The following USP26 variants were observed in gnomAD, a reference collection of about 807,000 sequenced individuals.
The protein encoded by USP26 is ubiquitin specific peptidase 26.
For synonymous variants in USP26, 236 were observed against 240.6 expected (o/e 0.98, Z 0.18); for missense variants, 649 against 642.3 (o/e 1.01, Z -0.11).
chrX:133,046,812 TGAGA>T (rs1482774841), intron 5 of USP26, among the ~76,000 whole-genome samples: 1 of 112,060 alleles, frequency 8.9e-6, no homozygotes, highest in Admixed American at 9.5e-5. Context: ...AAAGCTCTGA[TGAGA>T]GAATGAGCAG....
chrX:133,096,918 G>A (rs924181934), intron 1 of USP26, 112 bp downstream of exon 1: 3 of 111,792 alleles, frequency 2.7e-5, no homozygotes, highest in Non-Finnish European at 5.7e-5. Flanking sequence ...ACAGAAAAAC[G>A]AAAAGAAAAG....
intron 4 of USP26, among the ~76,000 whole-genome samples, chrX:133,085,075 A>T (rs1260892164): frequency 9.0e-6 from 1 of 111,484 alleles, no homozygotes; most frequent in East Asian, 2.8e-4. Flanking sequence ...ATTATAGGTG[A>T]CTACCACCAC....
rs1196412915 is a variant in USP26 at position 133,023,304 on chromosome X, C to T, written c.*2175G>A. ...CTGTCATGGATACCCCTACCATCTT[C>T]TTCACATTTCATTTTGCCCTGCATT... On this transcript the variant is annotated 3_prime_UTR_variant, in exon 6 of 6. Coordinates refer to ENST00000511190, the MANE Select transcript of USP26 (RefSeq NM_031907.3). 1.8e-5 allele frequency among the ~76,000 whole-genome samples: 2 copies of T among 111,960 alleles called. No individual in the cohort carries two copies. The highest frequency in any genetic ancestry group is 3.8e-5 in the Non-Finnish European group (2 of 53,185).
In USP26 at chrX:133,023,556, A is replaced by G. The variant is rs2067333238; in HGVS notation, c.*1923T>C. Among the ~76,000 whole-genome samples, 1 of 111,836 alleles carries G rather than the reference A, an allele frequency of 8.9e-6. No individual in the cohort carries two copies. The highest frequency in any genetic ancestry group is 1.9e-5 in the Non-Finnish European group (1 of 53,224). On this transcript the variant is annotated 3_prime_UTR_variant, in exon 6 of 6. Coordinates refer to ENST00000511190, the MANE Select transcript of USP26 (RefSeq NM_031907.3). Reference sequence around the variant, plus strand: ...GTCACTCTCCTCTAAATGCAACTCCAGCCTTATCCTTCAGCTGCTGAAGTA... The same window carrying G: ...GTCACTCTCCTCTAAATGCAACTCCGGCCTTATCCTTCAGCTGCTGAAGTA...
rs369851804 is a variant in USP26, at chrX:133,026,136, A to C, written c.2085T>G (p.Asn695Lys). 181 of 1,207,961 alleles carry C rather than the reference A, an allele frequency of 1.5e-4. No individual in the cohort carries two copies. Among genetic ancestry groups the C allele is most frequent in the Non-Finnish European group, 1.7e-4 (148 of 894,835 alleles). ...SKVDFQTVPE[N>K]PKRKKYVKTS... ...TTTTCACATATTTCTTTCGTTTTGG[A>C]TTTTCGGGCACTGTTTGAAAGTCAA... The change falls in exon 6 of 6, where the codon AAT becomes AAG. Residue 695 changes from asparagine (N) to lysine (K), a missense_variant. Transcript: ENST00000511190.
In USP26 at chrX:133,089,125, A is replaced by AT. The variant is rs954074366; in HGVS notation, c.-142+987dup. On this transcript the variant is annotated intron_variant, in intron 4 of 5. Transcript: ENST00000511190. ...TAGTTTCTAAAAAAAAGAAATGAGG[A>AT]TTTTTTTTTTTTACCTTGGTTGGGT... 4.9e-4 allele frequency among the ~76,000 whole-genome samples: 51 copies of AT among 104,281 alleles called. 2 individuals carry two copies. The highest frequency in any genetic ancestry group is 1.7e-3 in the South Asian group (4 of 2,408). 90.6% of individuals were successfully genotyped at this position (104,281 alleles called of 115,157 possible).
chrX:133,028,510 C>A (rs1315211543), intron 5 of USP26, among the ~76,000 whole-genome samples: 1 of 111,878 alleles, frequency 8.9e-6, no homozygotes, highest in East Asian at 2.8e-4. Flanking sequence ...AGGAAACATT[C>A]TTTAAACTAT....
rs1346960635 is a variant in USP26 at position 133,094,247 on chromosome X, T to TA, written c.-393+2782dup. Among the ~76,000 whole-genome samples, 4 of 110,809 alleles carry TA rather than the reference T, an allele frequency of 3.6e-5. No individual in the cohort carries two copies. In the Admixed American group the frequency reaches 3.9e-4, roughly 11 times the overall value. ...TTTAAAACGGCTACCTTTTAAGTGTTACTTGTAGCACTGTGGCACACTGCG... is the reference window on the plus strand; with the variant it reads ...TTTAAAACGGCTACCTTTTAAGTGTTAACTTGTAGCACTGTGGCACACTGCG... On this transcript the variant is annotated intron_variant, in intron 1 of 5. Transcript: ENST00000511190.
rs1366428006 is a variant in USP26 at position 133,027,812 on chromosome X, C to T, written c.409G>A (p.Glu137Lys). Reference sequence around the variant, plus strand: ...TCAAAAGATTTGCTACTTGATTTCTCATCAACTTTGTGGAATGAAGTTTTG... The same window carrying T: ...TCAAAAGATTTGCTACTTGATTTCTTATCAACTTTGTGGAATGAAGTTTTG... ...INKTSFHKVD[E>K]KSSSKSFEIA... The change falls in exon 6 of 6, where the codon GAG (glutamate) becomes AAG (lysine). Residue 137 changes from glutamate (E) to lysine (K), a missense_variant. Physicochemically the swap from Glu to Lys is moderately conservative, Grantham distance 56 (BLOSUM62 1). Coordinates refer to ENST00000511190, the MANE Select transcript of USP26 (RefSeq NM_031907.3). 4 of 1,208,942 alleles carry T rather than the reference C, an allele frequency of 3.3e-6. No individual in the cohort carries two copies. In the South Asian group the frequency reaches 5.3e-5, roughly 16 times the overall value.
At chrX:133,076,350 T>G (rs2067548479) in intron 5 of USP26, among the ~76,000 whole-genome samples, 1 of 110,977 alleles carries the variant, frequency 9.0e-6, no homozygotes, top group South Asian at 3.9e-4. Flanking sequence ...TTGCATAATC[T>G]TATGCAATCT....
intron 5 of USP26, among the ~76,000 whole-genome samples, chrX:133,045,688 G>A (rs978581677): frequency 6.3e-5 from 7 of 110,929 alleles, no homozygotes; most frequent in Non-Finnish European, 9.4e-5. Context: ...CTGAGCCAGC[G>A]AGACCACAAA....
intron 5 of USP26, among the ~76,000 whole-genome samples, chrX:133,044,398 G>A (rs755235584): frequency 3.4e-4 from 39 of 113,167 alleles, no homozygotes; most frequent in African/African-American, 1.2e-3. Flanking sequence ...GGCGGGAACC[G>A]GGGCTGCACG....
intron 5 of USP26, among the ~76,000 whole-genome samples, chrX:133,042,346 A>G (rs917904742): frequency 1.8e-5 from 2 of 111,537 alleles, no homozygotes; most frequent in African/African-American, 6.5e-5. Context: ...GTGTAGACAT[A>G]TGAGGGAATC....
In USP26 at chrX:133,026,262, C is replaced by A; in HGVS notation, c.1959G>T (p.Pro653=). Residue 653 remains proline, a synonymous_variant, in exon 6 of 6, where the codon CCG becomes CCT. Transcript: ENST00000511190. The part of the protein sequence containing the change: ...SGDRAFIEKE[P]LAHLMTYLED... ...CCAGATACGTCATTAAGTGAGCTAA[C>A]GGTTCTTTTTCAATGAATGCTCGAT... 8.3e-7 allele frequency: 1 copy of A among 1,209,197 alleles called. No individual in the cohort carries two copies.
chrX:133,064,008 A>G (rs1342981576), intron 5 of USP26, among the ~76,000 whole-genome samples: 1 of 112,416 alleles, frequency 8.9e-6, no homozygotes, highest in Non-Finnish European at 1.9e-5. Context: ...AGGCACACAT[A>G]GGTTCAAAAT....
intron 1 of USP26, among the ~76,000 whole-genome samples, chrX:133,092,477 T>C (rs1393657668): frequency 8.9e-6 from 1 of 112,262 alleles, no homozygotes; most frequent in East Asian, 2.8e-4. Flanking sequence ...GAAGCTAGTA[T>C]CATTTAGGAT....
intron 5 of USP26, among the ~76,000 whole-genome samples, chrX:133,083,091 G>T (rs2148536886): frequency 8.9e-6 from 1 of 111,905 alleles, no homozygotes; most frequent in East Asian, 2.8e-4. Context: ...AGATAAAATT[G>T]ATTCCTAGAC....
chrX:133,025,921 C>A lies in USP26; in HGVS notation c.2300G>T (p.Gly767Val), dbSNP rs778278686. The A allele has an allele frequency of 4.1e-6, 5 of 1,208,846 alleles. No individual in the cohort carries two copies. In the East Asian group the frequency reaches 1.2e-4, roughly 29 times the overall value. The change falls in exon 6 of 6, where the codon GGG becomes GTG. Residue 767 changes from glycine (G) to valine (V), a missense_variant. Gly to Val is a moderately radical substitution (Grantham distance 109, BLOSUM62 -3). Coordinates refer to ENST00000511190, the MANE Select transcript of USP26 (RefSeq NM_031907.3). ...AGGTCTTAGGAGGTTCTTTGTGTGC[C>A]CCTGGGTGCCTGGCTTTGGAAAGCT... ...PQSFPKPGTQ[G>V]HTKNLLRPTK... is the part of the protein sequence containing the mutation.
chrX:133,068,504 T>A (rs1164623092), intron 5 of USP26, among the ~76,000 whole-genome samples: 1 of 112,989 alleles, frequency 8.9e-6, no homozygotes, highest in Non-Finnish European at 1.9e-5. Flanking sequence ...TAGCTCTAAA[T>A]TCTAAGACGA....
Sources: allele counts gnomAD v4.1 joint callset (sites outside exome capture counted in the v4.1 genomes callset), GRCh38; gene constraint gnomAD v4.1.1; transcripts MANE v1.5; gene names NCBI Gene and HGNC (gene_info 2026-07-23, HGNC 2026-07-21).